The following LRRC53 variants were observed in gnomAD, a reference collection of about 807,000 sequenced individuals.
The protein encoded by LRRC53 is leucine-rich repeat-containing protein 53.
LRRC53 carries 25 observed loss-of-function variants against 13.6 expected under a neutral mutation model. The observed-to-expected ratio is 1.83, with a 90% CI of 1.34 to 2.56. LRRC53 has a LOEUF of 2.56. Ranked by LOEUF, LRRC53 falls within the 30% of genes most tolerant of loss-of-function variation. The pLI is 0.00. For synonymous variants in LRRC53, 204 were observed against 109.8 expected, an observed-to-expected ratio of 1.86 and a Z score of -5.37; for missense variants, 527 against 275.8, an observed-to-expected ratio of 1.91 and a Z score of -6.45.
At chr1:74,492,139 C>T (rs1557603727) in intron 1 of LRRC53, 1 of 1,611,948 alleles carries the variant, frequency 6.2e-7, no homozygotes, top group African/African-American at 1.3e-5. Context: ...GTCTCTCTCA[C>T]CTTCTTCTTC....
At chr1:74,495,767 C>A (rs142990327) in intron 1 of LRRC53, among the ~76,000 whole-genome samples, 157 of 152,280 alleles carry the variant, frequency 1.0e-3, no homozygotes, top group African/African-American at 3.5e-3. Context: ...ATAGGAGATG[C>A]ATGTTCCAGA....
chr1:74,486,507 CTT>C (rs397940623), intron 1 of LRRC53, among the ~76,000 whole-genome samples: 10 of 137,044 alleles, frequency 7.3e-5, no homozygotes, highest in Admixed American at 2.9e-4. Flanking sequence ...TTGTTTTTTG[CTT>C]TTTTTTTTTT....
the LRRC53 span, among the ~76,000 whole-genome samples, chr1:74,521,565 T>A: frequency 6.6e-6 from 1 of 152,096 alleles, no homozygotes; most frequent in Non-Finnish European, 1.5e-5. Flanking sequence ...CAAAATTAAA[T>A]GCTACTATTT....
intron 1 of LRRC53, among the ~76,000 whole-genome samples, chr1:74,501,102 A>AT (rs1300962145): frequency 3.3e-5 from 5 of 152,018 alleles, no homozygotes; most frequent in Non-Finnish European, 7.4e-5. Context: ...CTAGTTGGAT[A>AT]TTTTTTAAAG....
Position 74,475,552 on chromosome 1 carries a change from G to A in LRRC53, c.1163C>T (p.Ser388Leu), listed in dbSNP as rs748867469. ...GTCAAGGGTTGCAGACTCAGAGGCC[G>A]ATGTTGCTTGATGGCTATTTTCCTG... The part of the protein sequence containing the change: ...LLQENSHQAT[S>L]ASESATLDGS... Residue 388 changes from serine to leucine, a missense_variant, in exon 4 of 5, where the codon TCG (serine) becomes TTG (leucine). Physicochemically the swap from Ser to Leu is moderately radical, Grantham distance 145. Transcript: ENST00000294635. The A allele has an allele frequency of 1.4e-5, 10 of 717,256 alleles. No individual in the cohort carries two copies. The highest frequency in any genetic ancestry group is 8.9e-5 in the South Asian group (6 of 67,576). 44.4% of individuals were successfully genotyped at this position (717,256 alleles called of 1,614,324 possible). A position where few individuals can be genotyped will look rare whatever the true frequency, so the allele number is the denominator to read the frequency against.
upstream of LRRC53, among the ~76,000 whole-genome samples, chr1:74,513,876 C>A (rs1646305750): frequency 6.6e-6 from 1 of 152,166 alleles, no homozygotes; most frequent in Non-Finnish European, 1.5e-5. Flanking sequence ...TTTCAAGAAG[C>A]CACAACCGCA....
chr1:74,506,435 G>T (rs112884886), intron 1 of LRRC53, among the ~76,000 whole-genome samples: 8 of 152,162 alleles, frequency 5.3e-5, no homozygotes, highest in African/African-American at 1.7e-4. Context: ...CAAAGCCCAT[G>T]ATTTTTTTAC....
chr1:74,500,780 AG>A (rs1459734432), intron 1 of LRRC53, among the ~76,000 whole-genome samples: 3 of 151,742 alleles, frequency 2.0e-5, no homozygotes, highest in Admixed American at 2.0e-4. Context: ...CTGCACCTTC[AG>A]GGGGAAAATG....
intron 1 of LRRC53, among the ~76,000 whole-genome samples, chr1:74,503,496 A>G (rs1669738715): frequency 6.6e-6 from 1 of 152,202 alleles, no homozygotes; most frequent in Non-Finnish European, 1.5e-5. Flanking sequence ...TTTCTTACTC[A>G]GTGACACTGT....
chr1:74,490,758 T>A (rs274603), intron 1 of LRRC53, among the ~76,000 whole-genome samples: 1,820 of 152,200 alleles, frequency 0.012, 40 homozygotes, highest in African/African-American at 0.04. Context: ...GCAGATATAA[T>A]CAAGTTAAGA....
chr1:74,475,262 G>A (rs746016779), intron 4 of LRRC53, 33 bp downstream of exon 4: 75 of 619,220 alleles, frequency 1.2e-4, no homozygotes, highest in Middle Eastern at 5.1e-4. Context: ...AGAATTAAAC[G>A]GAGTGGGATT....
At chr1:74,530,469 C>T in the LRRC53 span, among the ~76,000 whole-genome samples, 1 of 151,964 alleles carries the variant, frequency 6.6e-6, no homozygotes, top group African/African-American at 2.4e-5. Flanking sequence ...GAGTAGAGTC[C>T]CTGGCGCTTA....
At chr1:74,500,383 C>T (rs886583673) in intron 1 of LRRC53, among the ~76,000 whole-genome samples, 16 of 151,588 alleles carry the variant, frequency 1.1e-4, no homozygotes, top group Middle Eastern at 3.4e-3. Flanking sequence ...GGGCGGATCA[C>T]GAGGTCAGGA....
the LRRC53 span, among the ~76,000 whole-genome samples, chr1:74,533,854 T>C: frequency 3.5e-4 from 53 of 152,156 alleles, 1 homozygote; most frequent in Admixed American, 4.6e-4. Context: ...TAGGTGGGAA[T>C]TGAACAATGA....
At chr1:74,530,194 A>G in the LRRC53 span, among the ~76,000 whole-genome samples, 1 of 152,172 alleles carries the variant, frequency 6.6e-6, no homozygotes, top group South Asian at 2.1e-4. Flanking sequence ...TCATGTCTGT[A>G]TTCCTAATAT....
At chr1:74,498,898 T>C (rs1038075595) in intron 1 of LRRC53, among the ~76,000 whole-genome samples, 6 of 152,228 alleles carry the variant, frequency 3.9e-5, no homozygotes, top group African/African-American at 1.4e-4. Context: ...AAAGGTAATG[T>C]TCCTTCAAAG....
At chr1:74,526,106 G>T in the LRRC53 span, among the ~76,000 whole-genome samples, 1 of 152,324 alleles carries the variant, frequency 6.6e-6, no homozygotes, top group African/African-American at 2.4e-5. Context: ...ATTTCAAATG[G>T]TTTGTGAAGA....
chr1:74,480,793 C>T lies in LRRC53; in HGVS notation c.264G>A (p.Leu88=), dbSNP rs2100256110. The T allele has an allele frequency of 1.4e-6, 1 of 717,536 alleles. No individual in the cohort carries two copies. Among genetic ancestry groups the T allele is most frequent in the East Asian group, 2.7e-5 (1 of 37,268 alleles). The allele number at this position is 717,536 out of a possible 1,614,324, so 44.4% of individuals were successfully genotyped here. A position where few individuals can be genotyped will look rare whatever the true frequency, so the allele number is the denominator to read the frequency against. ...HGLTMLRTLL[L]EHNQISSSSL... ...AAGAGCTGGATATTTGGTTGTGCTC[C>T]AGCAACAAGGTCCGCAACATCGTAA... Residue 88 remains leucine (L), a synonymous_variant, in exon 3 of 5, where the codon CTG becomes CTA. Coordinates refer to ENST00000294635, the MANE Select transcript of LRRC53 (RefSeq NM_001382280.1).
intron 1 of LRRC53, among the ~76,000 whole-genome samples, chr1:74,509,349 A>G (rs1183191240): frequency 6.6e-6 from 1 of 152,210 alleles, no homozygotes; most frequent in Non-Finnish European, 1.5e-5. Flanking sequence ...ATTTTTCTCT[A>G]TAATCCCTGA....
Sources: gnomAD v4.1 joint callset for allele counts (sites outside exome capture counted in the v4.1 genomes callset) on GRCh38, gnomAD v4.1.1 for gene constraint, MANE v1.5 for transcripts, NCBI Gene and HGNC (gene_info 2026-07-23, HGNC 2026-07-21) for gene names.